Variants in PPP2R2B observed in about 807,000 individuals in gnomAD.
The protein encoded by PPP2R2B is serine/threonine-protein phosphatase 2A 55 kDa regulatory subunit B beta isoform.
Under a neutral mutation model 46.0 loss-of-function variants are expected in PPP2R2B, and 5 were observed. The observed-to-expected ratio is 0.11, with a 90% confidence interval of 0.06 to 0.23. PPP2R2B has a LOEUF of 0.23. Ranked by LOEUF, PPP2R2B falls within the 10% of genes least tolerant of loss-of-function variation. The probability of loss-of-function intolerance (pLI) is 1.00; values close to 1 mark genes in which losing one functional copy is unlikely to be tolerated. For missense variants in PPP2R2B, 367 were observed against 575.0 expected, an observed-to-expected ratio of 0.64 and a Z score of 3.70; for synonymous variants, 215 against 206.7, an observed-to-expected ratio of 1.04 and a Z score of -0.34.
intron 2 of PPP2R2B, among the ~76,000 whole-genome samples, chr5:146,791,801 T>A (rs751896828): frequency 7.9e-5 from 12 of 152,192 alleles, no homozygotes; most frequent in Non-Finnish European, 1.2e-4. Context: ...GACCACTGGC[T>A]GTCTCCCAGC....
At chr5:146,901,533 C>A (rs990674154) in intron 1 of PPP2R2B, among the ~76,000 whole-genome samples, 5 of 151,842 alleles carry the variant, frequency 3.3e-5, no homozygotes, top group African/African-American at 1.2e-4. Context: ...ATACAAACTC[C>A]CCTACATTTC....
At position 146,580,878 on chromosome 5, in the gene PPP2R2B, C is replaced by T. The variant is rs1181765282; in HGVS notation, c.*9069G>A. 3.9e-5 allele frequency among the ~76,000 whole-genome samples: 6 copies of T among 152,070 alleles called. No homozygotes were observed. Among genetic ancestry groups the T allele is most frequent in the Non-Finnish European group, 8.8e-5 (6 of 68,016 alleles). The stretch of plus-strand genomic sequence containing the variant: ...AACAATGGAGTTAATGAATCAACCC[C>T]GTGCTGGTCAAAGTGAAGAGCTTCT... On this transcript the variant is annotated 3_prime_UTR_variant, in exon 10 of 10. Transcript: ENST00000394411.
At chr5:146,995,167 C>T (rs1056243230) in intron 1 of PPP2R2B, among the ~76,000 whole-genome samples, 2 of 152,226 alleles carry the variant, frequency 1.3e-5, no homozygotes, top group African/African-American at 4.8e-5. Context: ...TATGTCACTT[C>T]TTCAGAGAGA....
chr5:146,718,343 G>A (rs1018699467), intron 2 of PPP2R2B, among the ~76,000 whole-genome samples: 2 of 151,674 alleles, frequency 1.3e-5, no homozygotes, highest in Admixed American at 6.6e-5. Context: ...AGCTGTGATC[G>A]CACCACTGTA....
intron 1 of PPP2R2B, among the ~76,000 whole-genome samples, chr5:147,049,310 G>A (rs1433982203): frequency 6.6e-6 from 1 of 152,088 alleles, no homozygotes; most frequent in African/African-American, 2.4e-5. Context: ...TGTTTTTGTC[G>A]AGTCTCTAGG....
At chr5:146,925,026 C>A (rs147859251) in intron 1 of PPP2R2B, among the ~76,000 whole-genome samples, 1 of 152,084 alleles carries the variant, frequency 6.6e-6, no homozygotes, top group African/African-American at 2.4e-5. Flanking sequence ...CCAGAAAATA[C>A]AAGAAGTTTG....
chr5:146,871,968 G>A (rs567684045), intron 2 of PPP2R2B, among the ~76,000 whole-genome samples: 2 of 152,292 alleles, frequency 1.3e-5, no homozygotes, highest in East Asian at 3.9e-4. Flanking sequence ...AAAATGCCTG[G>A]AATAGACAGT....
chr5:146,698,506 C>T (rs1779337834), intron 3 of PPP2R2B, among the ~76,000 whole-genome samples: 1 of 151,168 alleles, frequency 6.6e-6, no homozygotes, highest in Non-Finnish European at 1.5e-5. Flanking sequence ...CTGCAGTCAC[C>T]CTTTGGAGTG....
intron 3 of PPP2R2B, among the ~76,000 whole-genome samples, chr5:146,700,054 T>G (rs937024847): frequency 2.0e-5 from 3 of 152,204 alleles, no homozygotes; most frequent in East Asian, 3.8e-4. Context: ...AGAAATTAAT[T>G]GCAAATAATG....
chr5:146,996,705 T>C (rs1277601413), intron 1 of PPP2R2B, among the ~76,000 whole-genome samples: 1 of 152,144 alleles, frequency 6.6e-6, no homozygotes, highest in Non-Finnish European at 1.5e-5. Context: ...GATAAGTCAC[T>C]ATGGTACCTG....
At chr5:146,746,108 C>T (rs1037806360) in intron 2 of PPP2R2B, among the ~76,000 whole-genome samples, 1 of 152,128 alleles carries the variant, frequency 6.6e-6, no homozygotes, top group South Asian at 2.1e-4. Context: ...AACCTTATAG[C>T]GCTATTATGT....
chr5:146,869,380 A>G (rs1250206574), intron 2 of PPP2R2B, among the ~76,000 whole-genome samples: 2 of 152,240 alleles, frequency 1.3e-5, no homozygotes, highest in African/African-American at 2.4e-5. Context: ...AAAGCTGGAA[A>G]CGATTTTCTA....
chr5:146,723,603 G>T (rs1163255687), intron 2 of PPP2R2B, among the ~76,000 whole-genome samples: 1 of 152,126 alleles, frequency 6.6e-6, no homozygotes, highest in Non-Finnish European at 1.5e-5. Context: ...TGAATCCTTT[G>T]AAAGATCACT....
chr5:146,644,339 C>T (rs1204170450), intron 6 of PPP2R2B, among the ~76,000 whole-genome samples: 1 of 149,270 alleles, frequency 6.7e-6, no homozygotes, highest in South Asian at 2.1e-4. Flanking sequence ...TCTTTTATTT[C>T]CCCCTGAACC....
chr5:147,056,011 C>A, upstream of PPP2R2B: 1 of 1,307,002 alleles, frequency 7.7e-7, no homozygotes, highest in Non-Finnish European at 9.8e-7. Flanking sequence ...GCTGAAGCTC[C>A]TCTGAACAGG....
chr5:146,805,491 C>T (rs889182575), intron 2 of PPP2R2B, among the ~76,000 whole-genome samples: 5 of 152,120 alleles, frequency 3.3e-5, no homozygotes, highest in Non-Finnish European at 7.3e-5. Flanking sequence ...TAGATCATTC[C>T]TCATTTATCC....
chr5:146,832,784 A>T (rs1384470962), intron 2 of PPP2R2B, among the ~76,000 whole-genome samples: 1 of 152,070 alleles, frequency 6.6e-6, no homozygotes, highest in Admixed American at 6.6e-5. Flanking sequence ...TACACTATTC[A>T]GAAGAGTAAC....
chr5:146,980,839 C>T (rs1753138798), intron 1 of PPP2R2B, among the ~76,000 whole-genome samples: 1 of 152,080 alleles, frequency 6.6e-6, no homozygotes, highest in African/African-American at 2.4e-5. Flanking sequence ...TGTTACATGA[C>T]ACTAGTTAAT....
intron 1 of PPP2R2B, among the ~76,000 whole-genome samples, chr5:147,001,258 G>A (rs6580447): frequency 0.49 from 73,757 of 151,920 alleles, 19,162 homozygotes; most frequent in Middle Eastern, 0.61. Flanking sequence ...TTGTTCTTTC[G>A]CTCTTCACAA....
Sources: allele counts gnomAD v4.1 joint callset (sites outside exome capture counted in the v4.1 genomes callset), GRCh38; gene constraint gnomAD v4.1.1; transcripts MANE v1.5; gene names NCBI Gene and HGNC (gene_info 2026-07-23, HGNC 2026-07-21).